The following SYNE1 variants were observed in gnomAD, a reference collection of about 807,000 sequenced individuals.
SYNE1 encodes nesprin-1.
In SYNE1, 616 loss-of-function variants were observed where a neutral mutation model predicts 1,111.0. The ratio of observed to expected loss-of-function variants is 0.55; its 90% CI spans 0.52 to 0.59. SYNE1 has a LOEUF of 0.59. Ranked by LOEUF, SYNE1 falls within the 20% of genes least tolerant of loss-of-function variation. The pLI is 0.00. For synonymous variants in SYNE1, 3,855 were observed against 3,825.8 expected (o/e 1.01, Z -0.28); for missense variants, 10,006 against 10,417.0 (o/e 0.96, Z 1.72).
intron 113 of SYNE1, 56 bp from the exon 114 acceptor site, chr6:152,231,623 A>T (rs886187436): frequency 1.3e-6 from 2 of 1,570,832 alleles, no homozygotes; most frequent in East Asian, 2.3e-5. Context: ...TTAGTTTTCC[A>T]GGAGTTGGAA....
intron 130 of SYNE1, 96 bp downstream of exon 130, chr6:152,176,298 G>C: frequency 2.6e-6 from 4 of 1,538,726 alleles, no homozygotes; most frequent in Non-Finnish European, 3.6e-6. Context: ...CAGGAAGAGA[G>C]ACTGATTTAT....
intron 30 of SYNE1, 66 bp from the exon 31 acceptor site, chr6:152,442,311 A>G (rs2098538932): frequency 6.3e-7 from 1 of 1,588,180 alleles, no homozygotes; most frequent in South Asian, 1.1e-5. Context: ...AGGGACATCA[A>G]CACCCACGCT....
chr6:152,562,552 A>G (rs2099398429), intron 3 of SYNE1, among the ~76,000 whole-genome samples: 1 of 152,242 alleles, frequency 6.6e-6, no homozygotes, highest in Non-Finnish European at 1.5e-5. Flanking sequence ...CTGAGTATAT[A>G]TCCAAAGGAA....
intron 3 of SYNE1, among the ~76,000 whole-genome samples, chr6:152,620,496 C>T (rs2099673011): frequency 6.6e-6 from 1 of 152,124 alleles, no homozygotes; most frequent in Non-Finnish European, 1.5e-5. Context: ...GTAACATATC[C>T]AAAATAAGGT....
intron 11 of SYNE1, 143 bp from the exon 12 acceptor site, chr6:152,488,646 C>T (rs976993732): frequency 3.7e-6 from 2 of 541,622 alleles, no homozygotes; most frequent in African/African-American, 3.8e-5. Context: ...CTTACCCCCA[C>T]CTTTAGGACA....
intron 105 of SYNE1, among the ~76,000 whole-genome samples, chr6:152,245,282 CAG>C (rs2086831275): frequency 6.6e-6 from 1 of 152,138 alleles, no homozygotes; most frequent in Non-Finnish European, 1.5e-5. Flanking sequence ...CCAGAGTAAA[CAG>C]AGAAAAATAA....
Position 152,293,957 on chromosome 6 carries a change from T to C in SYNE1, c.17850+3A>G. On this transcript the variant is annotated splice_donor_region_variant and intron_variant, in intron 94 of 145. Transcript: ENST00000367255. ...CATAAACTAGTCCACCTTGAAGACT[T>C]ACCACATTCTTTAAGGTTTCCCAAG... 1 of 1,614,138 alleles carries C rather than the reference T, an allele frequency of 6.2e-7. No homozygotes were observed. Among genetic ancestry groups the C allele is most frequent in the Non-Finnish European group, 8.5e-7 (1 of 1,180,022 alleles).
rs183023620 is a variant in SYNE1 at position 152,324,992 on chromosome 6, G to A, written c.15657+92C>T. The A allele has an allele frequency of 1.2e-4, 167 of 1,431,096 alleles. No individual in the cohort carries two copies. In the African/African-American group the frequency reaches 1.9e-3, roughly 17 times the overall value. 88.6% of individuals were successfully genotyped at this position (1,431,096 alleles called of 1,614,324 possible). A position where few individuals can be genotyped will look rare whatever the true frequency, so the allele number is the denominator to read the frequency against. On this transcript the variant is annotated intron_variant, in intron 81 of 145. Coordinates refer to ENST00000367255, the MANE Select transcript of SYNE1 (RefSeq NM_182961.4). ...TAAAAAGCCTTTATTACTTTCATAA[G>A]GCTGACTTCAAAAAGGGGCAAAATA...
chr6:152,563,624 T>C (rs891514964), intron 3 of SYNE1, among the ~76,000 whole-genome samples: 1 of 152,118 alleles, frequency 6.6e-6, no homozygotes, highest in Non-Finnish European at 1.5e-5. Flanking sequence ...CTGGAAAAAA[T>C]TTTAAAAATC....
At chr6:152,155,854 T>C in intron 132 of SYNE1, 56 bp downstream of exon 132, 2 of 1,605,934 alleles carry the variant, frequency 1.2e-6, no homozygotes, top group Non-Finnish European at 1.7e-6. Flanking sequence ...TCTGGGTGAT[T>C]TTTATTTTCT....
At chr6:152,299,667 G>A (rs1247141342) in intron 93 of SYNE1, among the ~76,000 whole-genome samples, 1 of 151,428 alleles carries the variant, frequency 6.6e-6, no homozygotes, top group East Asian at 1.9e-4. Flanking sequence ...TTAACTAAAG[G>A]TTTCATCACC....
intron 100 of SYNE1, among the ~76,000 whole-genome samples, chr6:152,263,022 T>A (rs911052799): frequency 6.8e-6 from 1 of 146,258 alleles, no homozygotes; most frequent in Non-Finnish European, 1.5e-5. Flanking sequence ...CACGGAAAGA[T>A]AGTACAGGGC....
intron 3 of SYNE1, among the ~76,000 whole-genome samples, chr6:152,544,262 T>C (rs1179238815): frequency 6.6e-6 from 1 of 152,142 alleles, no homozygotes; most frequent in East Asian, 1.9e-4. Context: ...GACCAGTTTT[T>C]GGTGTGGGTG....
At chr6:152,232,879 C>G (rs71575922) in intron 112 of SYNE1, among the ~76,000 whole-genome samples, 17,396 of 152,248 alleles carry the variant, frequency 0.11, 1,215 homozygotes, top group Non-Finnish European at 0.15. Context: ...ATATCAACTT[C>G]TGTGTGGTGC....
intron 106 of SYNE1, 38 bp from the exon 107 acceptor site, chr6:152,242,478 T>G (rs2085961189): frequency 6.2e-7 from 1 of 1,610,112 alleles, no homozygotes. Flanking sequence ...TCTCAATTCA[T>G]ATTCTGGCAA....
intron 128 of SYNE1, among the ~76,000 whole-genome samples, chr6:152,188,957 C>CAAAAA (rs1159424311): frequency 1.4e-4 from 7 of 49,084 alleles, no homozygotes; most frequent in East Asian, 9.6e-4. Flanking sequence ...GACTCTGTCT[C>CAAAAA]AAAAAAAAAA....
intron 67 of SYNE1, 95 bp from the exon 68 acceptor site, chr6:152,353,839 T>C: frequency 6.7e-7 from 1 of 1,483,134 alleles, no homozygotes; most frequent in Non-Finnish European, 9.3e-7. Flanking sequence ...TCAGTGTAGG[T>C]TTAGAAGATG....
chr6:152,506,694 A>G (rs2099060045), intron 8 of SYNE1, among the ~76,000 whole-genome samples: 1 of 152,132 alleles, frequency 6.6e-6, no homozygotes, highest in Admixed American at 6.5e-5. Context: ...GGCATGTGCC[A>G]CAATACCTGG....
Position 152,247,854 on chromosome 6 carries a change from TAA to T in SYNE1, c.19572+1305_19572+1306del, listed in dbSNP as rs1491541659. On this transcript the variant is annotated intron_variant, in intron 105 of 145. Coordinates refer to ENST00000367255, the MANE Select transcript of SYNE1 (RefSeq NM_182961.4). The stretch of plus-strand genomic sequence containing the variant: ...GCAAACTATTTTGAGAGGTGTTCTT[TAA>T]CACACACACACACACACACACACAC... Among the ~76,000 whole-genome samples the T allele has an allele frequency of 1.6e-3, 220 of 133,630 alleles. 1 individual carries two copies. The highest frequency in any genetic ancestry group is 8.5e-3 in the South Asian group (34 of 4,022). 87.7% of individuals were successfully genotyped at this position (133,630 alleles called of 152,430 possible). A position where few individuals can be genotyped will look rare whatever the true frequency, so the allele number is the denominator to read the frequency against.
Sources: gnomAD v4.1 joint callset for allele counts (sites outside exome capture counted in the v4.1 genomes callset) on GRCh38, gnomAD v4.1.1 for gene constraint, MANE v1.5 for transcripts, NCBI Gene and HGNC (gene_info 2026-07-23, HGNC 2026-07-21) for gene names.